The following CYP19A1 variants were observed in gnomAD, a reference collection of about 807,000 sequenced individuals.
CYP19A1 encodes aromatase.
A neutral mutation model predicts 44.4 loss-of-function variants in CYP19A1; 32 were observed. The ratio of observed to expected loss-of-function variants is 0.72; its 90% confidence interval spans 0.54 to 0.97. CYP19A1 has a LOEUF of 0.97. Among genes scored for constraint, CYP19A1 ranks in the 50% least tolerant of loss-of-function variants. CYP19A1 has a pLI of 0.00. For missense variants in CYP19A1, 598 were observed against 637.8 expected (o/e 0.94, Z 0.67); for synonymous variants, 212 against 215.6 (o/e 0.98, Z 0.14).
intron 1 of CYP19A1, among the ~76,000 whole-genome samples, chr15:51,284,440 G>T (rs1025687816): frequency 2.6e-5 from 4 of 152,142 alleles, no homozygotes; most frequent in Non-Finnish European, 5.9e-5. Flanking sequence ...CCATGTCAAG[G>T]ACTGGATGGC....
At chr15:51,311,337 AT>A (rs1047634227) in intron 1 of CYP19A1, among the ~76,000 whole-genome samples, 1 of 152,250 alleles carries the variant, frequency 6.6e-6, no homozygotes, top group African/African-American at 2.4e-5. Context: ...TCTGAAATAA[AT>A]TCACTGGATG....
intron 1 of CYP19A1, among the ~76,000 whole-genome samples, chr15:51,245,811 TC>T (rs1272406819): frequency 6.6e-6 from 1 of 152,238 alleles, no homozygotes. Flanking sequence ...AGTCTAATTA[TC>T]CCCATTTTAC....
chr15:51,286,155 T>G (rs1273399296), intron 1 of CYP19A1, among the ~76,000 whole-genome samples: 1 of 152,206 alleles, frequency 6.6e-6, no homozygotes, highest in Admixed American at 6.5e-5. Flanking sequence ...AAGTCATCTA[T>G]AACAACTCTA....
At chr15:51,259,893 G>A (rs896102425) in intron 1 of CYP19A1, among the ~76,000 whole-genome samples, 3 of 152,220 alleles carry the variant, frequency 2.0e-5, no homozygotes, top group African/African-American at 7.2e-5. Flanking sequence ...CCAAAAAAGT[G>A]CAATGCATGG....
intron 4 of CYP19A1, among the ~76,000 whole-genome samples, chr15:51,223,773 A>G (rs905833435): frequency 3.9e-5 from 6 of 152,182 alleles, no homozygotes; most frequent in African/African-American, 1.4e-4. Flanking sequence ...CTTTCTGACC[A>G]TAGGAAGGAC....
chr15:51,306,996 A>G (rs2036227960), intron 1 of CYP19A1, among the ~76,000 whole-genome samples: 1 of 152,250 alleles, frequency 6.6e-6, no homozygotes, highest in African/African-American at 2.4e-5. Flanking sequence ...CAAGCCAGAG[A>G]TAATAAGTAA....
At chr15:51,286,568 T>C (rs2035705359) in intron 1 of CYP19A1, among the ~76,000 whole-genome samples, 1 of 152,148 alleles carries the variant, frequency 6.6e-6, no homozygotes, top group African/African-American at 2.4e-5. Context: ...CTACCAAGCA[T>C]GTCCAAAGCC....
intron 1 of CYP19A1, among the ~76,000 whole-genome samples, chr15:51,247,017 T>A (rs1189512206): frequency 6.6e-6 from 1 of 152,202 alleles, no homozygotes; most frequent in Non-Finnish European, 1.5e-5. Context: ...TACTGCCTGA[T>A]CTGTACCTCT....
chr15:51,266,050 A>G (rs2034907584), intron 1 of CYP19A1, among the ~76,000 whole-genome samples: 1 of 152,194 alleles, frequency 6.6e-6, no homozygotes. Flanking sequence ...AAGGTAAAAG[A>G]AGCTTCTGTT....
At position 51,293,914 on chromosome 15, in the gene CYP19A1, C is replaced by T. The variant is rs560280429; in HGVS notation, c.-39+44581G>A. ...CGTAATCTCGGCTGGCTACAACCTC[C>T]ACCTCCCAGCCGCCTGCCTTGGCCT... On this transcript the variant is annotated intron_variant, in intron 1 of 9. Transcript: ENST00000396402. 35 of 214,900 alleles carry T rather than the reference C, an allele frequency of 1.6e-4. No individual in the cohort carries two copies. In the South Asian group the frequency reaches 2.0e-3, roughly 12 times the overall value. 13.3% of individuals were successfully genotyped at this position (214,900 alleles called of 1,614,324 possible). A position where few individuals can be genotyped will look rare whatever the true frequency, so the allele number is the denominator to read the frequency against.
chr15:51,276,035 T>G (rs1192805679), intron 1 of CYP19A1, among the ~76,000 whole-genome samples: 1 of 152,214 alleles, frequency 6.6e-6, no homozygotes, highest in Non-Finnish European at 1.5e-5. Flanking sequence ...CTTCACAAAA[T>G]TAAAACTATC....
At chr15:51,237,152 GAAACA>G (rs3834541) in intron 2 of CYP19A1, 143 bp from the exon 3 acceptor site, 380,953 of 769,022 alleles carry the variant, frequency 0.5, 106,422 homozygotes, top group Non-Finnish European at 0.53. Flanking sequence ...AAAGTGATTT[GAAACA>G]AAACAAAACA....
At chr15:51,216,007 A>G in intron 6 of CYP19A1, 190 bp from the exon 7 acceptor site, 3 of 1,168,478 alleles carry the variant, frequency 2.6e-6, no homozygotes, top group Non-Finnish European at 3.5e-6. Flanking sequence ...CTTCATGTTA[A>G]GGTGCCAGAG....
At chr15:51,305,750 G>T (rs1372774935) in intron 1 of CYP19A1, among the ~76,000 whole-genome samples, 1 of 151,846 alleles carries the variant, frequency 6.6e-6, no homozygotes, top group African/African-American at 2.4e-5. Flanking sequence ...TAGTAGAAAC[G>T]GGGTTTCACT....
chr15:51,218,425 T>TTGTG, intron 6 of CYP19A1, 116 bp downstream of exon 6: 1 of 1,449,976 alleles, frequency 6.9e-7, no homozygotes, highest in Non-Finnish European at 9.2e-7. Flanking sequence ...AACAGCTCCC[T>TTGTG]TGTGGGCTCT....
chr15:51,249,842 G>A (rs1465011025), intron 1 of CYP19A1, among the ~76,000 whole-genome samples: 4 of 152,164 alleles, frequency 2.6e-5, no homozygotes, highest in Non-Finnish European at 5.9e-5. Flanking sequence ...TAAAAGCAGG[G>A]AAGGTTCACC....
intron 1 of CYP19A1, chr15:51,280,131 T>G (rs2035465096): frequency 1.3e-5 from 2 of 149,624 alleles, no homozygotes; most frequent in Admixed American, 6.7e-5. Context: ...TTTTTTTTTT[T>G]TTTTTTTTGA....
chr15:51,292,620 T>A (rs1305711935), intron 1 of CYP19A1, among the ~76,000 whole-genome samples: 1 of 152,196 alleles, frequency 6.6e-6, no homozygotes, highest in African/African-American at 2.4e-5. Flanking sequence ...CAAATAAACC[T>A]CAGGGGAAAG....
At chr15:51,278,946 A>C (rs1477964593) in intron 1 of CYP19A1, 1 of 152,206 alleles carries the variant, frequency 6.6e-6, no homozygotes, top group East Asian at 1.9e-4. Context: ...GAAAGACTCA[A>C]GTTCCTTTAA....
Sources: allele counts gnomAD v4.1 joint callset (sites outside exome capture counted in the v4.1 genomes callset), GRCh38; gene constraint gnomAD v4.1.1; transcripts MANE v1.5; gene names NCBI Gene and HGNC (gene_info 2026-07-23, HGNC 2026-07-21).